The following PHKB variants were observed in gnomAD, a reference collection of about 807,000 sequenced individuals.
PHKB encodes the protein phosphorylase b kinase regulatory subunit beta.
A neutral mutation model predicts 152.1 loss-of-function variants in PHKB; 122 were observed. That is an observed-to-expected ratio of 0.80 (90% CI 0.69 to 0.93). The LOEUF (loss-of-function observed/expected upper bound fraction) is 0.93. Ranked by LOEUF, PHKB falls within the 40% of genes least tolerant of loss-of-function variation. PHKB has a pLI of 0.00. For missense variants in PHKB, 1,304 were observed against 1,328.4 expected (o/e 0.98, Z 0.29); for synonymous variants, 436 against 464.9 (o/e 0.94, Z 0.80).
intron 26 of PHKB, among the ~76,000 whole-genome samples, chr16:47,680,723 C>T (rs930674571): frequency 2.0e-5 from 3 of 152,136 alleles, no homozygotes; most frequent in East Asian, 1.9e-4. Flanking sequence ...AAACCAGCTC[C>T]TGGATTCATT....
intron 4 of PHKB, among the ~76,000 whole-genome samples, chr16:47,506,815 T>TA (rs1271992655): frequency 6.6e-6 from 1 of 152,170 alleles, no homozygotes; most frequent in Non-Finnish European, 1.5e-5. Flanking sequence ...GCTGATGAGC[T>TA]AAAAAAAGAA....
chr16:47,596,633 C>A, intron 13 of PHKB, 102 bp downstream of exon 13: 1 of 1,114,254 alleles, frequency 9.0e-7, no homozygotes, highest in Non-Finnish European at 1.4e-6. Context: ...GGTGGTGTTT[C>A]ATGGTCTTGA....
intron 14 of PHKB, among the ~76,000 whole-genome samples, chr16:47,620,266 G>T (rs572234994): frequency 6.6e-6 from 1 of 152,306 alleles, no homozygotes; most frequent in African/African-American, 2.4e-5. Context: ...CAATATTCAA[G>T]AGTACAAATA....
At chr16:47,546,996 C>T (rs552514758) in intron 6 of PHKB, among the ~76,000 whole-genome samples, 1 of 152,316 alleles carries the variant, frequency 6.6e-6, no homozygotes, top group East Asian at 1.9e-4. Context: ...CCCAATTTTT[C>T]TGGTACAGTC....
At chr16:47,549,078 A>G (rs1971225580) in intron 7 of PHKB, among the ~76,000 whole-genome samples, 1 of 152,318 alleles carries the variant, frequency 6.6e-6, no homozygotes, top group South Asian at 2.1e-4. Context: ...GTATCAATCA[A>G]TGAAAAAGTC....
chr16:47,696,588 T>C (rs189782363), intron 29 of PHKB, 100 bp downstream of exon 29: 36 of 757,858 alleles, frequency 4.8e-5, no homozygotes, highest in Non-Finnish European at 7.5e-5. Context: ...AATCCTATTC[T>C]TTCCAGTACC....
At chr16:47,698,300 C>G in intron 29 of PHKB, 148 bp from the exon 30 acceptor site, 4 of 672,376 alleles carry the variant, frequency 5.9e-6, no homozygotes, top group Middle Eastern at 4.0e-4. Flanking sequence ...AAATAACTTG[C>G]AAAATTAGGA....
At chr16:47,584,774 C>G (rs564547705) in intron 8 of PHKB, among the ~76,000 whole-genome samples, 1 of 152,118 alleles carries the variant, frequency 6.6e-6, no homozygotes. Context: ...AGATCATGTA[C>G]GATAGGTAGA....
chr16:47,697,005 T>C (rs928565693), intron 29 of PHKB, among the ~76,000 whole-genome samples: 1 of 152,208 alleles, frequency 6.6e-6, no homozygotes, highest in Non-Finnish European at 1.5e-5. Flanking sequence ...AGAAGACATG[T>C]CATTGCATGG....
intron 7 of PHKB, among the ~76,000 whole-genome samples, chr16:47,564,900 G>C (rs1009844187): frequency 1.3e-5 from 2 of 150,736 alleles, no homozygotes; most frequent in African/African-American, 4.9e-5. Flanking sequence ...AAGATGAGTT[G>C]GTTTTAGGTA....
chr16:47,538,368 T>G (rs1214295847), intron 6 of PHKB, among the ~76,000 whole-genome samples: 1 of 152,234 alleles, frequency 6.6e-6, no homozygotes, highest in East Asian at 1.9e-4. Context: ...TTGGGTAAGC[T>G]GAGGGGACCC....
chr16:47,505,685 C>T (rs1276299743), intron 4 of PHKB: 2 of 152,098 alleles, frequency 1.3e-5, no homozygotes, highest in Non-Finnish European at 2.9e-5. Flanking sequence ...CAGTTTTGAT[C>T]ACTTAATATT....
At chr16:47,654,760 C>A (rs778230538) in intron 20 of PHKB, among the ~76,000 whole-genome samples, 9 of 142,820 alleles carry the variant, frequency 6.3e-5, no homozygotes, top group Non-Finnish European at 1.0e-4. Context: ...AATGAGAACA[C>A]TTGGACACAG....
chr16:47,470,240 T>C (rs1473726200), intron 1 of PHKB, among the ~76,000 whole-genome samples: 1 of 152,208 alleles, frequency 6.6e-6, no homozygotes, highest in Non-Finnish European at 1.5e-5. Context: ...AGCCAGTCAT[T>C]AGCATTGTTT....
intron 1 of PHKB, among the ~76,000 whole-genome samples, chr16:47,481,679 C>A (rs536643622): frequency 5.3e-5 from 8 of 152,156 alleles, no homozygotes; most frequent in African/African-American, 1.9e-4. Context: ...GAAGACAATT[C>A]GTATTTAATA....
intron 26 of PHKB, among the ~76,000 whole-genome samples, chr16:47,674,814 T>C (rs1486366373): frequency 1.3e-5 from 2 of 152,164 alleles, no homozygotes; most frequent in Admixed American, 1.3e-4. Flanking sequence ...ATAGAGACAC[T>C]GGGATAAGGA....
intron 13 of PHKB, among the ~76,000 whole-genome samples, chr16:47,599,737 A>G (rs1402453422): frequency 6.6e-6 from 1 of 152,222 alleles, no homozygotes; most frequent in Non-Finnish European, 1.5e-5. Flanking sequence ...TATTTTGCAT[A>G]CTATGAAACC....
intron 25 of PHKB, among the ~76,000 whole-genome samples, chr16:47,667,978 C>T (rs1055781037): frequency 2.6e-5 from 4 of 152,262 alleles, no homozygotes; most frequent in African/African-American, 9.6e-5. Context: ...CAGAGCTGGG[C>T]AAGACTCGGA....
At chr16:47,649,250 A>G (rs762224429) in intron 18 of PHKB, 46 bp downstream of exon 18, 4 of 1,024,646 alleles carry the variant, frequency 3.9e-6, no homozygotes, top group Non-Finnish European at 6.2e-6. Context: ...GTTTGTTTCC[A>G]CTGATTTTAT....
Sources: allele counts gnomAD v4.1 joint callset (sites outside exome capture counted in the v4.1 genomes callset), GRCh38; gene constraint gnomAD v4.1.1; transcripts MANE v1.5; gene names NCBI Gene and HGNC (gene_info 2026-07-23, HGNC 2026-07-21).